Variants in COL21A1 observed in about 807,000 individuals in gnomAD.
COL21A1 encodes collagen type XXI alpha 1 chain.
A neutral mutation model predicts 137.9 loss-of-function variants in COL21A1; 149 were observed. The observed-to-expected ratio is 1.08, with a 90% CI of 0.95 to 1.24. COL21A1 has a LOEUF of 1.24. Among genes scored for constraint, COL21A1 ranks in the 50% most tolerant of loss-of-function variants. The pLI, the probability that COL21A1 is intolerant of heterozygous loss-of-function variation, is 0.00. For synonymous variants in COL21A1, 456 were observed against 391.5 expected, an observed-to-expected ratio of 1.16 and a Z score of -1.95; for missense variants, 1,167 against 1,158.4, an observed-to-expected ratio of 1.01 and a Z score of -0.11.
intron 1 of COL21A1, among the ~76,000 whole-genome samples, chr6:56,236,050 T>C (rs968500037): frequency 7.2e-5 from 11 of 151,950 alleles, no homozygotes; most frequent in African/African-American, 9.7e-5. Context: ...TTGAACTACA[T>C]TGAGGAAAGA....
chr6:56,151,627 G>C (rs1452017154), intron 10 of COL21A1, among the ~76,000 whole-genome samples: 2 of 152,194 alleles, frequency 1.3e-5, no homozygotes, highest in South Asian at 2.1e-4. Flanking sequence ...CCTATTTAAA[G>C]TTTCAGTTGG....
intron 1 of COL21A1, among the ~76,000 whole-genome samples, chr6:56,252,762 A>T (rs1782882524): frequency 6.6e-6 from 1 of 152,176 alleles, no homozygotes; most frequent in African/African-American, 2.4e-5. Flanking sequence ...GGGGAAGAAA[A>T]TATCCTCAAA....
intron 10 of COL21A1, among the ~76,000 whole-genome samples, chr6:56,146,520 T>C (rs767950872): frequency 1.3e-5 from 2 of 152,092 alleles, no homozygotes; most frequent in Non-Finnish European, 2.9e-5. Context: ...ACTTCATTAA[T>C]AAGTTCCATT....
chr6:56,075,567 G>GA, intron 18 of COL21A1, 35 bp from the exon 19 acceptor site: 4 of 1,389,326 alleles, frequency 2.9e-6, no homozygotes, highest in African/African-American at 1.5e-5. Context: ...ATTATAAATT[G>GA]TAAATTATCA....
chr6:56,065,089 G>A (rs1312959527), intron 23 of COL21A1, among the ~76,000 whole-genome samples: 5 of 151,696 alleles, frequency 3.3e-5, no homozygotes, highest in Non-Finnish European at 7.4e-5. Context: ...TTTAAATGAA[G>A]AGCTTTAAAG....
chr6:56,168,730 T>C (rs1467812168), intron 5 of COL21A1, among the ~76,000 whole-genome samples: 1 of 151,888 alleles, frequency 6.6e-6, no homozygotes, highest in East Asian at 1.9e-4. Context: ...AGTTGCTCAT[T>C]CTCTCTCTCT....
At chr6:56,391,662 T>C (rs2094029959) in intron 1 of COL21A1, among the ~76,000 whole-genome samples, 1 of 152,106 alleles carries the variant, frequency 6.6e-6, no homozygotes, top group Admixed American at 6.5e-5. Flanking sequence ...AGCAACCACA[T>C]GCCAATAAGT....
rs1763999730 is a variant in COL21A1 at position 56,289,865 on chromosome 6, GTTTGCAACCAGTTGCGGT to G, written c.-39+104088_-39+104105del. 2.0e-5 allele frequency among the ~76,000 whole-genome samples: 3 copies of G among 152,230 alleles called. No individual in the cohort carries two copies. The South Asian group carries it at 6.2e-4, about 32-fold the overall frequency. On this transcript the variant is annotated intron_variant, in intron 1 of 28. Coordinates refer to the COL21A1 transcript ENST00000370819. Reference sequence around the variant, plus strand: ...GAAAACGCTATATAAACTGCCTGATGTTTGCAACCAGTTGCGGTTTTGGTTTTCCTGCCCAGCCCACAG... The same window carrying G: ...GAAAACGCTATATAAACTGCCTGATGTTTGGTTTTCCTGCCCAGCCCACAG...
At chr6:56,245,794 T>A (rs1782607829) in intron 1 of COL21A1, among the ~76,000 whole-genome samples, 1 of 152,156 alleles carries the variant, frequency 6.6e-6, no homozygotes, top group African/African-American at 2.4e-5. Flanking sequence ...TTCCCCCAGA[T>A]TCTCTAAATA....
At chr6:56,304,605 T>C (rs1299401198) in intron 1 of COL21A1, among the ~76,000 whole-genome samples, 1 of 152,222 alleles carries the variant, frequency 6.6e-6, no homozygotes, top group Non-Finnish European at 1.5e-5. Flanking sequence ...TTATTGTGTC[T>C]ATTTCATTCT....
At chr6:56,297,489 C>A (rs557946410) in intron 1 of COL21A1, among the ~76,000 whole-genome samples, 1 of 152,144 alleles carries the variant, frequency 6.6e-6, no homozygotes, top group South Asian at 2.1e-4. Flanking sequence ...TTTTACTTTG[C>A]TTAATGTTCT....
intron 27 of COL21A1, 94 bp from the exon 28 acceptor site, chr6:56,060,312 T>A: frequency 9.9e-7 from 1 of 1,008,056 alleles, no homozygotes; most frequent in Non-Finnish European, 1.4e-6. Context: ...GAGAAAAAAC[T>A]ACGAACATTG....
At chr6:56,122,188 C>T (rs62412805) in intron 16 of COL21A1, among the ~76,000 whole-genome samples, 22,859 of 152,160 alleles carry the variant, frequency 0.15, 1,754 homozygotes, top group Middle Eastern at 0.22. Flanking sequence ...ATGAAATGTC[C>T]AGAATACACA....
At chr6:56,233,045 A>T (rs896990684) in intron 1 of COL21A1, among the ~76,000 whole-genome samples, 1 of 151,814 alleles carries the variant, frequency 6.6e-6, no homozygotes, top group Non-Finnish European at 1.5e-5. Context: ...ACTTTACACA[A>T]ATGAGGAAGA....
chr6:56,343,737 T>G (rs1326306353), intron 1 of COL21A1, among the ~76,000 whole-genome samples: 1 of 152,146 alleles, frequency 6.6e-6, no homozygotes, highest in African/African-American at 2.4e-5. Context: ...GGCCAGGAGT[T>G]GGAGACCAAA....
At chr6:56,085,667 G>A (rs1276557506) in intron 17 of COL21A1, among the ~76,000 whole-genome samples, 1 of 151,820 alleles carries the variant, frequency 6.6e-6, no homozygotes, top group Non-Finnish European at 1.5e-5. Context: ...TATATCAGTA[G>A]TTATTAAACT....
intron 1 of COL21A1, among the ~76,000 whole-genome samples, chr6:56,307,790 G>T (rs1481322131): frequency 6.6e-6 from 1 of 152,180 alleles, no homozygotes; most frequent in Non-Finnish European, 1.5e-5. Context: ...TGGAAATGCA[G>T]AAATCACCCG....
intron 1 of COL21A1, among the ~76,000 whole-genome samples, chr6:56,316,232 A>G (rs927263363): frequency 6.6e-6 from 1 of 152,170 alleles, no homozygotes; most frequent in African/African-American, 2.4e-5. Flanking sequence ...AATAATTAAA[A>G]TCTACTCTCT....
chr6:56,159,884 T>C lies in COL21A1; in HGVS notation c.1372-2935A>G, dbSNP rs1270716989. 2.6e-5 allele frequency among the ~76,000 whole-genome samples: 4 copies of C among 152,140 alleles called. No homozygotes were observed. In the South Asian group the frequency reaches 6.2e-4, roughly 24 times the overall value. On this transcript the variant is annotated intron_variant, in intron 9 of 29. Coordinates refer to ENST00000244728, the MANE Select transcript of COL21A1 (RefSeq NM_030820.4). ...ATGCTGCATACAATTATAAAAAAGA[T>C]ATTTAATAATAATGTTTTCAGTTAA...
Sources: allele counts gnomAD v4.1 joint callset (sites outside exome capture counted in the v4.1 genomes callset), GRCh38; gene constraint gnomAD v4.1.1; transcripts MANE v1.5; gene names NCBI Gene and HGNC (gene_info 2026-07-23, HGNC 2026-07-21).